The following SNX8 variants were observed in gnomAD, a reference collection of about 807,000 sequenced individuals.
The protein encoded by SNX8 is sorting nexin 8, also known as sorting nexin-8.
Under a neutral mutation model 51.6 loss-of-function variants are expected in SNX8, and 25 were observed. That is an observed-to-expected ratio of 0.48 (90% CI 0.35 to 0.68). SNX8 has a LOEUF of 0.68. SNX8 is among the 30% of genes least tolerant of loss of function. The pLI is 0.00. For synonymous variants in SNX8, 324 were observed against 277.0 expected, an observed-to-expected ratio of 1.17 and a Z score of -1.68; for missense variants, 695 against 624.0, an observed-to-expected ratio of 1.11 and a Z score of -1.21.
intron 1 of SNX8, among the ~76,000 whole-genome samples, chr7:2,293,143 T>C (rs1365810530): frequency 6.7e-6 from 1 of 150,074 alleles, no homozygotes; most frequent in Non-Finnish European, 1.5e-5. Flanking sequence ...GGCTCACGCC[T>C]GTAATCATAG....
At chr7:2,340,508 C>G (rs918751228) in intron 1 of SNX8, among the ~76,000 whole-genome samples, 1 of 151,288 alleles carries the variant, frequency 6.6e-6, no homozygotes, top group African/African-American at 2.4e-5. Context: ...TTCTAGGACA[C>G]TCTATATTTT....
At chr7:2,259,715 G>A (rs1382254742) in intron 7 of SNX8, among the ~76,000 whole-genome samples, 1 of 152,182 alleles carries the variant, frequency 6.6e-6, no homozygotes, top group Non-Finnish European at 1.5e-5. Context: ...GAGAGAAAAC[G>A]CCAGCTGACC....
intron 1 of SNX8, among the ~76,000 whole-genome samples, chr7:2,280,630 C>CT (rs1795886770): frequency 6.6e-6 from 1 of 152,122 alleles, no homozygotes; most frequent in African/African-American, 2.4e-5. Context: ...AGAATTTGAA[C>CT]TTTGATTGCA....
rs1795042518 is a variant in SNX8, at chr7:2,251,979, G to C, written c.*3077C>G. 1 of 152,256 alleles carries C rather than the reference G, an allele frequency of 6.6e-6. No homozygotes were observed. Among genetic ancestry groups the C allele is most frequent in the Non-Finnish European group, 1.5e-5 (1 of 68,084 alleles). The allele number at this position is 152,256 out of a possible 1,614,324, so 9.4% of individuals were successfully genotyped here. ...CTCGGAGTCCCTGTGCCCCATGTCA[G>C]AGCCCTAAACCTGTCTCCCCTGCCT... On this transcript the variant is annotated 3_prime_UTR_variant, in exon 11 of 11. Transcript: ENST00000222990.
At chr7:2,316,624 T>C (rs1201647301), upstream of SNX8, among the ~76,000 whole-genome samples, 2 of 148,378 alleles carry the variant, frequency 1.3e-5, no homozygotes, top group East Asian at 4.0e-4. Context: ...CCTGCATTCA[T>C]TCACACAACC....
intron 5 of SNX8, among the ~76,000 whole-genome samples, chr7:2,265,652 AAAAC>A (rs555485378): frequency 4.1e-4 from 63 of 152,340 alleles, no homozygotes; most frequent in African/African-American, 1.4e-3. Context: ...AACAAAAATA[AAAAC>A]AAACAATCTT....
intron 4 of SNX8, among the ~76,000 whole-genome samples, chr7:2,270,779 A>G (rs370693501): frequency 6.6e-6 from 1 of 152,082 alleles, no homozygotes; most frequent in African/African-American, 2.4e-5. Flanking sequence ...GACAAAAGGA[A>G]CCAAGGCTTG....
upstream of SNX8, among the ~76,000 whole-genome samples, chr7:2,318,143 T>C (rs578132140): frequency 2.6e-5 from 4 of 152,238 alleles, no homozygotes; most frequent in East Asian, 7.7e-4. Flanking sequence ...ACTCCTGGCC[T>C]CAATCAGTCC....
chr7:2,264,481 G>A lies in SNX8; in HGVS notation c.622-23C>T, dbSNP rs1371804386. On this transcript the variant is annotated intron_variant, in intron 5 of 10. Coordinates refer to ENST00000222990, the MANE Select transcript of SNX8 (RefSeq NM_013321.4). ...GTCCTGACATCATGATGGGGGGAGA[G>A]ACACTGTGTTAGTCGCTGGGGAGCA... 4 of 1,602,734 alleles carry A rather than the reference G, an allele frequency of 2.5e-6. No homozygotes were observed. The South Asian group carries it at 4.4e-5, about 18-fold the overall frequency.
At chr7:2,305,393 T>C (rs1796523439) in intron 1 of SNX8, among the ~76,000 whole-genome samples, 1 of 152,170 alleles carries the variant, frequency 6.6e-6, no homozygotes, top group Non-Finnish European at 1.5e-5. Flanking sequence ...AGATAAAGTC[T>C]TGCTCTGTTG....
At chr7:2,312,961 T>G (rs928306136) in intron 1 of SNX8, among the ~76,000 whole-genome samples, 11 of 152,038 alleles carry the variant, frequency 7.2e-5, no homozygotes, top group Admixed American at 2.0e-4. Flanking sequence ...GCAGTGGCGC[T>G]ATCTCGGCTC....
At chr7:2,329,905 G>GC (rs978572324) in intron 1 of SNX8, among the ~76,000 whole-genome samples, 2 of 142,178 alleles carry the variant, frequency 1.4e-5, no homozygotes, top group African/African-American at 5.3e-5. Flanking sequence ...TCGGCTCACC[G>GC]CAACCTCCGC....
rs372187631 is a variant in SNX8, at chr7:2,264,395, A to C, written c.685T>G (p.Tyr229Asp). Residue 229 changes from tyrosine (Y) to aspartate (D), a missense_variant, in exon 6 of 11, where the codon TAC (tyrosine) becomes GAC (aspartate). By Grantham distance (160) the Tyr-to-Asp change is radical. Coordinates refer to ENST00000222990, the MANE Select transcript of SNX8 (RefSeq NM_013321.4). The stretch of plus-strand genomic sequence containing the variant: ...TCGCGAAGCTTGTGAAAGCTATTGT[A>C]GATGTTCCGGATCAGCTCCCGGCTG... Reference protein sequence around the residue: ...AISRELIRNIYNSFHKLRDRA... With the variant: ...AISRELIRNIDNSFHKLRDRA... The C allele has an allele frequency of 1.9e-6, 3 of 1,612,844 alleles. No individual in the cohort carries two copies. The highest frequency in any genetic ancestry group is 1.7e-6 in the Non-Finnish European group (2 of 1,180,006).
chr7:2,301,900 A>T (rs1796401073), intron 1 of SNX8, among the ~76,000 whole-genome samples: 1 of 152,060 alleles, frequency 6.6e-6, no homozygotes, highest in South Asian at 2.1e-4. Flanking sequence ...TTGTTAGTTC[A>T]CACACAGACC....
upstream of SNX8, chr7:2,314,470 A>AGCCCTGCCGCGCC (rs1315127040): frequency 1.2e-5 from 14 of 1,189,542 alleles, no homozygotes; most frequent in Non-Finnish European, 1.5e-5. Context: ...CCGGCCGCGC[A>AGCCCTGCCGCGCC]GCCCTGCCGC....
chr7:2,264,148 C>A, intron 6 of SNX8, 150 bp downstream of exon 6: 1 of 665,458 alleles, frequency 1.5e-6, no homozygotes, highest in Non-Finnish European at 2.4e-6. Flanking sequence ...TATGACCCCC[C>A]ATGTGCCTGA....
chr7:2,256,786 C>T (rs1168000862), intron 10 of SNX8, 88 bp downstream of exon 10: 29 of 1,406,148 alleles, frequency 2.1e-5, no homozygotes, highest in Non-Finnish European at 2.4e-5. Context: ...CTAGGGCGGC[C>T]GGCCACCGCG....
intron 1 of SNX8, among the ~76,000 whole-genome samples, chr7:2,339,818 G>T (rs1778889696): frequency 6.6e-6 from 1 of 152,016 alleles, no homozygotes; most frequent in African/African-American, 2.4e-5. Context: ...ATAAGAACAC[G>T]TAGATTTATT....
chr7:2,345,299 T>C (rs918589412), intron 1 of SNX8, among the ~76,000 whole-genome samples: 3 of 152,152 alleles, frequency 2.0e-5, no homozygotes, highest in Non-Finnish European at 4.4e-5. Flanking sequence ...AACATCATTG[T>C]GGGTGAAGAA....
Sources: allele counts gnomAD v4.1 joint callset (sites outside exome capture counted in the v4.1 genomes callset), GRCh38; gene constraint gnomAD v4.1.1; transcripts MANE v1.5; gene names NCBI Gene and HGNC (gene_info 2026-07-23, HGNC 2026-07-21).